The following PLCL2 variants were observed in gnomAD, a reference collection of about 807,000 sequenced individuals.
The protein encoded by PLCL2 is inactive phospholipase C-like protein 2.
Under a neutral mutation model 79.6 loss-of-function variants are expected in PLCL2, and 4 were observed. The observed-to-expected ratio is 0.05, with a 90% CI of 0.02 to 0.11. The LOEUF (loss-of-function observed/expected upper bound fraction) is 0.11. Among genes scored for constraint, PLCL2 ranks in the 10% least tolerant of loss-of-function variants. The pLI is 1.00. For missense variants in PLCL2, 895 were observed against 1,291.0 expected (o/e 0.69, Z 4.70); for synonymous variants, 484 against 457.7 (o/e 1.06, Z -0.73).
rs187597378 is a variant in PLCL2 at position 17,070,322 on chromosome 3, T to C, written c.3204+2257T>C. On this transcript the variant is annotated intron_variant, in intron 5 of 5. Transcript: ENST00000615277. Reference sequence around the variant, plus strand: ...AATGGGAGCCTGATGCACATATTAATGAAAAACAGCTGACATAAAGCAGTG... The same window carrying C: ...AATGGGAGCCTGATGCACATATTAACGAAAAACAGCTGACATAAAGCAGTG... Among the ~76,000 whole-genome samples, 62 of 152,286 alleles carry C rather than the reference T, an allele frequency of 4.1e-4. 1 individual carries two copies. The highest frequency in any genetic ancestry group is 3.4e-3 in the Admixed American group (52 of 15,308).
At chr3:16,898,708 C>T (rs550062286) in intron 1 of PLCL2, among the ~76,000 whole-genome samples, 2 of 152,310 alleles carry the variant, frequency 1.3e-5, no homozygotes, top group African/African-American at 4.8e-5. Flanking sequence ...ACCAAAATAA[C>T]AGGGCTTGAT....
intron 3 of PLCL2, among the ~76,000 whole-genome samples, chr3:17,036,690 C>T (rs755705189): frequency 1.3e-5 from 2 of 152,166 alleles, no homozygotes; most frequent in Non-Finnish European, 2.9e-5. Flanking sequence ...ACAAGGCTGA[C>T]CACCCACCAG....
chr3:16,927,736 C>T (rs147492263), intron 1 of PLCL2, among the ~76,000 whole-genome samples: 379 of 152,268 alleles, frequency 2.5e-3, no homozygotes, highest in Admixed American at 4.2e-3. Flanking sequence ...CCCGCCCCCA[C>T]CACACACAAT....
At chr3:16,999,994 TG>T (rs1448480790) in intron 1 of PLCL2, among the ~76,000 whole-genome samples, 4 of 152,164 alleles carry the variant, frequency 2.6e-5, no homozygotes, top group Admixed American at 6.5e-5. Context: ...CTAAAGTTTA[TG>T]TTAATAAGGC....
chr3:16,948,779 A>G (rs765567548), intron 1 of PLCL2, among the ~76,000 whole-genome samples: 3 of 152,194 alleles, frequency 2.0e-5, no homozygotes, highest in Non-Finnish European at 2.9e-5. Context: ...GTACTTATCT[A>G]CCAGAGAGAA....
intron 1 of PLCL2, among the ~76,000 whole-genome samples, chr3:17,001,764 T>G (rs554716571): frequency 6.5e-4 from 99 of 152,274 alleles, no homozygotes; most frequent in African/African-American, 2.3e-3. Context: ...AGCTTTGTAG[T>G]ATATTTTGTA....
intron 1 of PLCL2, among the ~76,000 whole-genome samples, chr3:16,948,044 A>G (rs1396852866): frequency 1.3e-5 from 2 of 152,212 alleles, no homozygotes; most frequent in Non-Finnish European, 2.9e-5. Context: ...TTTTTCTTAA[A>G]CAGCATTTGA....
chr3:16,885,572 G>T (rs1559475249), intron 1 of PLCL2, among the ~76,000 whole-genome samples: 3 of 152,312 alleles, frequency 2.0e-5, no homozygotes. Context: ...GGGGAGCTGT[G>T]CTCAGACATC....
At chr3:16,926,319 A>G (rs1056443389) in intron 1 of PLCL2, among the ~76,000 whole-genome samples, 1 of 152,210 alleles carries the variant, frequency 6.6e-6, no homozygotes, top group African/African-American at 2.4e-5. Context: ...TAGCAGTGTC[A>G]CTTTGAGGAA....
intron 1 of PLCL2, among the ~76,000 whole-genome samples, chr3:16,971,878 G>A (rs1054593556): frequency 2.0e-4 from 31 of 152,150 alleles, no homozygotes; most frequent in Non-Finnish European, 3.8e-4. Flanking sequence ...AAGAATGCTT[G>A]TGATTTTCGT....
chr3:17,035,844 C>T, intron 3 of PLCL2: 1 of 500,044 alleles, frequency 2.0e-6, no homozygotes, highest in Admixed American at 2.0e-5. Flanking sequence ...CCACATCATG[C>T]CTGCAGCGGG....
chr3:17,041,080 G>A (rs1054065206), intron 3 of PLCL2, among the ~76,000 whole-genome samples: 22 of 152,060 alleles, frequency 1.4e-4, no homozygotes, highest in African/African-American at 5.3e-4. Context: ...TACTGATGAC[G>A]GTATGGACCT....
intron 1 of PLCL2, among the ~76,000 whole-genome samples, chr3:16,900,283 CTG>C (rs1444995821): frequency 6.6e-6 from 1 of 152,132 alleles, no homozygotes; most frequent in East Asian, 1.9e-4. Context: ...ACAGTTATTT[CTG>C]TGTGTTTAGT....
intron 1 of PLCL2, among the ~76,000 whole-genome samples, chr3:16,981,523 G>A (rs1434659711): frequency 6.6e-6 from 1 of 152,144 alleles, no homozygotes; most frequent in Non-Finnish European, 1.5e-5. Context: ...TGTGAGTTTG[G>A]TTATTTGGTT....
chr3:16,903,983 A>T (rs1696689969), intron 1 of PLCL2, among the ~76,000 whole-genome samples: 2 of 152,226 alleles, frequency 1.3e-5, no homozygotes, highest in African/African-American at 4.8e-5. Context: ...ACTATCAAAA[A>T]AATTCAGCTT....
At chr3:16,923,004 T>C (rs1430931714) in intron 1 of PLCL2, among the ~76,000 whole-genome samples, 1 of 152,158 alleles carries the variant, frequency 6.6e-6, no homozygotes, top group Non-Finnish European at 1.5e-5. Context: ...ATATTTAAAA[T>C]ATAGCAACCT....
intron 1 of PLCL2, among the ~76,000 whole-genome samples, chr3:16,983,130 A>G (rs1290108094): frequency 1.3e-5 from 2 of 152,232 alleles, no homozygotes; most frequent in African/African-American, 4.8e-5. Flanking sequence ...TGCTAATTTC[A>G]TTAGTGCGTA....
intron 3 of PLCL2, among the ~76,000 whole-genome samples, chr3:17,024,162 A>G (rs1337115495): frequency 6.6e-6 from 1 of 152,216 alleles, no homozygotes; most frequent in Non-Finnish European, 1.5e-5. Flanking sequence ...CATCAAGAAC[A>G]GTGGAGCCAA....
At chr3:17,069,463 T>C (rs1301061558) in intron 5 of PLCL2, among the ~76,000 whole-genome samples, 1 of 152,110 alleles carries the variant, frequency 6.6e-6, no homozygotes, top group Non-Finnish European at 1.5e-5. Flanking sequence ...TCTAGTTAGA[T>C]CAGGGTACTT....
Sources: allele counts gnomAD v4.1 joint callset (sites outside exome capture counted in the v4.1 genomes callset), GRCh38; gene constraint gnomAD v4.1.1; transcripts MANE v1.5; gene names NCBI Gene and HGNC (gene_info 2026-07-23, HGNC 2026-07-21).